IL19: variants seen among roughly 807,000 people sequenced by gnomAD.
IL19 encodes interleukin-19.
In IL19, 15 loss-of-function variants were observed where a neutral mutation model predicts 19.5. The ratio of observed to expected loss-of-function variants is 0.77; its 90% CI spans 0.52 to 1.19. The LOEUF (loss-of-function observed/expected upper bound fraction) is 1.19, where lower values mean the gene tolerates loss of function less well. IL19 is among the 50% of genes most tolerant of loss of function. The pLI, the probability that IL19 is intolerant of heterozygous loss-of-function variation, is 0.00. For synonymous variants in IL19, 78 were observed against 78.3 expected, an observed-to-expected ratio of 1.00 and a Z score of 0.02; for missense variants, 199 against 213.1, an observed-to-expected ratio of 0.93 and a Z score of 0.41.
intron 2 of IL19, among the ~76,000 whole-genome samples, chr1:206,829,969 G>A (rs918697807): frequency 6.6e-6 from 1 of 152,234 alleles, no homozygotes; most frequent in Non-Finnish European, 1.5e-5. Context: ...GGTGTGGCCA[G>A]TTTGGATTTC....
chr1:206,778,057 G>T (rs1316960261), intron 1 of IL19, among the ~76,000 whole-genome samples: 1 of 152,194 alleles, frequency 6.6e-6, no homozygotes, highest in South Asian at 2.1e-4. Context: ...ATAAACGCCT[G>T]GTGGGCCAGA....
intron 2 of IL19, among the ~76,000 whole-genome samples, chr1:206,805,374 T>A (rs570562802): frequency 1.3e-5 from 2 of 152,216 alleles, no homozygotes; most frequent in Non-Finnish European, 2.9e-5. Context: ...AGGAAAATCA[T>A]TGAGCTGAAA....
intron 4 of IL19, among the ~76,000 whole-genome samples, chr1:206,838,404 A>T (rs1676872473): frequency 6.6e-6 from 1 of 152,246 alleles, no homozygotes; most frequent in Non-Finnish European, 1.5e-5. Flanking sequence ...TGAGAGACAC[A>T]CACACACACC....
intron 2 of IL19, chr1:206,833,674 G>C (rs997618000): frequency 1.0e-6 from 1 of 985,334 alleles, no homozygotes; most frequent in Non-Finnish European, 1.2e-6. Context: ...TCAGGTCCTG[G>C]CTCTGCCACT....
At chr1:206,830,199 G>C (rs986403561) in intron 2 of IL19, among the ~76,000 whole-genome samples, 2 of 152,180 alleles carry the variant, frequency 1.3e-5, no homozygotes, top group Non-Finnish European at 2.9e-5. Context: ...CTTCCTTGCG[G>C]TGCCATGGAG....
chr1:206,771,432 A>G, intron 1 of IL19: 1 of 1,592,990 alleles, frequency 6.3e-7, no homozygotes, highest in East Asian at 2.3e-5. Context: ...GAAGAACAAA[A>G]GGAGAATGAA....
intron 2 of IL19, among the ~76,000 whole-genome samples, chr1:206,817,760 T>TC (rs1219638403): frequency 6.6e-6 from 1 of 151,632 alleles, no homozygotes; most frequent in Non-Finnish European, 1.5e-5. Flanking sequence ...GTAGAAGATT[T>TC]CTTTTTTTTT....
At chr1:206,823,194 T>A (rs558400157) in intron 2 of IL19, among the ~76,000 whole-genome samples, 28 of 152,112 alleles carry the variant, frequency 1.8e-4, no homozygotes, top group Middle Eastern at 3.4e-3. Flanking sequence ...CATCCCAAAG[T>A]GCTGGGAGGC....
chr1:206,781,563 C>T (rs1416379330), intron 1 of IL19, among the ~76,000 whole-genome samples: 3 of 151,858 alleles, frequency 2.0e-5, no homozygotes, highest in East Asian at 1.9e-4. Context: ...CCCCATACTC[C>T]GTGTGTTTTG....
intron 1 of IL19, among the ~76,000 whole-genome samples, chr1:206,798,442 G>A (rs982634190): frequency 3.9e-5 from 6 of 151,988 alleles, no homozygotes; most frequent in Non-Finnish European, 7.4e-5. Flanking sequence ...AATTTTAAGC[G>A]CCCACCTTCC....
Position 206,837,927 on chromosome 1 carries a change from C to T in IL19, c.210+904C>T, listed in dbSNP as rs180916651. ...TCCCTGGGAGGAATTAAAGAAGTGC[C>T]GCTTCCTAGAGAGTGATTGGGAGCT... is the stretch of plus-strand genomic sequence containing the variant. On this transcript the variant is annotated intron_variant, in intron 4 of 6. Coordinates refer to ENST00000659997, the MANE Select transcript of IL19 (RefSeq NM_153758.5). Among the ~76,000 whole-genome samples, 270 of 152,076 alleles carry T rather than the reference C, an allele frequency of 1.8e-3. 1 individual carries two copies. Among genetic ancestry groups the T allele is most frequent in the Non-Finnish European group, 2.2e-3 (152 of 67,960 alleles).
intron 1 of IL19, among the ~76,000 whole-genome samples, chr1:206,779,064 G>A (rs1212646249): frequency 2.0e-5 from 3 of 152,188 alleles, no homozygotes; most frequent in Non-Finnish European, 4.4e-5. Context: ...ACCAAGCTCT[G>A]TGCCAAAGGG....
At chr1:206,833,913 A>T (rs1196582203) in intron 2 of IL19, 7 of 985,486 alleles carry the variant, frequency 7.1e-6, no homozygotes, top group Non-Finnish European at 7.2e-6. Flanking sequence ...TGCCTAAGGC[A>T]TTGGAGAACT....
rs569606719 is a variant in IL19 at position 206,842,818 on chromosome 1, T to A, written c.*196T>A. The A allele has an allele frequency of 9.9e-5, 50 of 505,458 alleles. 1 individual carries two copies. The South Asian group carries it at 1.4e-3, about 14-fold the overall frequency. The allele number at this position is 505,458 out of a possible 1,614,324, so 31.3% of individuals were successfully genotyped here. A position where few individuals can be genotyped will look rare whatever the true frequency, so the allele number is the denominator to read the frequency against. On this transcript the variant is annotated 3_prime_UTR_variant, in exon 7 of 7. Transcript: ENST00000659997. ...TGTGGTATTTGTAATAAACTCTATC[T>A]GCTGAAAGGGCCTGCAGGCCATCCT...
At chr1:206,824,600 G>A (rs1156726104) in intron 2 of IL19, among the ~76,000 whole-genome samples, 1 of 152,178 alleles carries the variant, frequency 6.6e-6, no homozygotes, top group African/African-American at 2.4e-5. Context: ...GCTAAGGGAA[G>A]ATAGACTGAC....
chr1:206,826,525 T>C (rs1156870520), intron 2 of IL19, among the ~76,000 whole-genome samples: 1 of 152,014 alleles, frequency 6.6e-6, no homozygotes, highest in African/African-American at 2.4e-5. Flanking sequence ...TTCAGATGAG[T>C]CAGCTCTCAC....
intron 4 of IL19, among the ~76,000 whole-genome samples, chr1:206,839,281 T>C (rs1208244518): frequency 6.6e-6 from 1 of 152,236 alleles, no homozygotes; most frequent in Non-Finnish European, 1.5e-5. Flanking sequence ...TTTCTGGTTT[T>C]AAAAGGACAG....
rs370491306 is a variant in IL19, at chr1:206,771,282, T to C, written c.-149+204T>C. 3.4e-4 allele frequency: 465 copies of C among 1,382,570 alleles called. 9 individuals are homozygous for C. The South Asian group carries it at 4.2e-3, about 12-fold the overall frequency. The allele number at this position is 1,382,570 out of a possible 1,614,324, so 85.6% of individuals were successfully genotyped here. A position where few individuals can be genotyped will look rare whatever the true frequency, so the allele number is the denominator to read the frequency against. ...AGCGAAGGAAACAAACCCAATTCCC[T>C]GCAATCAGGAAGCAGAGTCTCCCTT... On this transcript the variant is annotated intron_variant, in intron 1 of 6. Transcript: ENST00000659997.
chr1:206,771,184 G>T, intron 1 of IL19, 106 bp downstream of exon 1: 1 of 1,234,322 alleles, frequency 8.1e-7, no homozygotes, highest in Non-Finnish European at 1.2e-6. Flanking sequence ...CCTCCCCGAA[G>T]GGACTGAGCC....
Sources: gnomAD v4.1 joint callset for allele counts (sites outside exome capture counted in the v4.1 genomes callset) on GRCh38, gnomAD v4.1.1 for gene constraint, MANE v1.5 for transcripts, NCBI Gene and HGNC (gene_info 2026-07-23, HGNC 2026-07-21) for gene names.